The following FCHSD2 variants were observed in gnomAD, a reference collection of about 807,000 sequenced individuals.
FCHSD2 encodes the protein FCH and double SH3 domains 2, also known as F-BAR and double SH3 domains protein 2.
In FCHSD2, 38 loss-of-function variants were observed where a neutral mutation model predicts 108.1. The observed-to-expected ratio is 0.35, with a 90% CI of 0.27 to 0.46. FCHSD2 has a LOEUF of 0.46. Among genes scored for constraint, FCHSD2 ranks in the 20% least tolerant of loss-of-function variants. The pLI, the probability that FCHSD2 is intolerant of heterozygous loss-of-function variation, is 1.00. For synonymous variants in FCHSD2, 279 were observed against 314.7 expected, an observed-to-expected ratio of 0.89 and a Z score of 1.20; for missense variants, 751 against 897.8, an observed-to-expected ratio of 0.84 and a Z score of 2.09.
In FCHSD2 at chr11:73,029,930, C is replaced by G. The variant is rs138094995; in HGVS notation, c.166-14045G>C. Among the ~76,000 whole-genome samples the G allele has an allele frequency of 4.9e-3, 749 of 152,056 alleles. 5 individuals are homozygous for G. The highest frequency in any genetic ancestry group is 6.8e-3 in the Non-Finnish European group (459 of 67,944). Reference sequence around the variant, plus strand: ...ATGTTAATCAAAAACAAAAGAAAAACAAAAACAAAAACAAACTAGCAAAAC... The same window carrying G: ...ATGTTAATCAAAAACAAAAGAAAAAGAAAAACAAAAACAAACTAGCAAAAC... On this transcript the variant is annotated intron_variant, in intron 3 of 19. Transcript: ENST00000409418.
At chr11:73,064,932 A>C (rs1300324048) in intron 3 of FCHSD2, among the ~76,000 whole-genome samples, 2 of 152,176 alleles carry the variant, frequency 1.3e-5, no homozygotes, top group African/African-American at 4.8e-5. Flanking sequence ...AGAGGTACAA[A>C]GGGGAGTTGG....
chr11:72,983,351 T>C (rs1468364295), intron 8 of FCHSD2, among the ~76,000 whole-genome samples: 1 of 151,054 alleles, frequency 6.6e-6, no homozygotes, highest in Non-Finnish European at 1.5e-5. Flanking sequence ...TGCACCTGGA[T>C]CCCAGCTACT....
intron 8 of FCHSD2, among the ~76,000 whole-genome samples, chr11:72,939,738 C>T (rs1276743338): frequency 6.6e-6 from 1 of 151,142 alleles, no homozygotes; most frequent in Non-Finnish European, 1.5e-5. Flanking sequence ...TATGCCTCAG[C>T]CTCCCGAGCA....
chr11:73,138,601 G>A (rs1861176289), intron 2 of FCHSD2, among the ~76,000 whole-genome samples: 1 of 143,666 alleles, frequency 7.0e-6, no homozygotes, highest in Non-Finnish European at 1.5e-5. Flanking sequence ...ATCTTGCACA[G>A]GAATTTTTTT....
At chr11:72,842,504 C>A (rs1293761567) in intron 17 of FCHSD2, 117 bp downstream of exon 17, 10 of 1,259,818 alleles carry the variant, frequency 7.9e-6, no homozygotes, top group Non-Finnish European at 1.1e-5. Context: ...CACTGGCAAC[C>A]AAGGACCGGT....
chr11:73,109,542 C>G (rs1031961610), intron 2 of FCHSD2, among the ~76,000 whole-genome samples: 1 of 152,118 alleles, frequency 6.6e-6, no homozygotes, highest in Non-Finnish European at 1.5e-5. Flanking sequence ...AGAAATCTTA[C>G]TGATTTCTGT....
At chr11:73,049,561 C>T (rs1460571200) in intron 3 of FCHSD2, among the ~76,000 whole-genome samples, 1 of 149,496 alleles carries the variant, frequency 6.7e-6, no homozygotes, top group Non-Finnish European at 1.5e-5. Flanking sequence ...GGAGGGATAG[C>T]ATTGGGAGAT....
intron 10 of FCHSD2, among the ~76,000 whole-genome samples, chr11:72,890,217 T>C (rs1041879263): frequency 1.3e-5 from 2 of 152,212 alleles, no homozygotes; most frequent in African/African-American, 4.8e-5. Context: ...TTGGGTGTGA[T>C]GGACTTATCT....
chr11:73,044,301 A>G (rs1047346811), intron 3 of FCHSD2, among the ~76,000 whole-genome samples: 1 of 152,184 alleles, frequency 6.6e-6, no homozygotes, highest in African/African-American at 2.4e-5. Flanking sequence ...TCAGAGGCTG[A>G]GTGTGGTGTC....
chr11:73,014,860 T>C (rs1449530308), intron 4 of FCHSD2, among the ~76,000 whole-genome samples: 1 of 152,126 alleles, frequency 6.6e-6, no homozygotes, highest in Non-Finnish European at 1.5e-5. Flanking sequence ...CTTTTTTTTT[T>C]TGAGCTGGAG....
chr11:73,129,872 C>CTTTTTTT, intron 2 of FCHSD2, among the ~76,000 whole-genome samples: 1 of 124,158 alleles, frequency 8.1e-6, no homozygotes, highest in Non-Finnish European at 1.7e-5. Flanking sequence ...CCTTCATAAT[C>CTTTTTTT]TTTTTTTTTT....
chr11:72,943,625 T>C (rs1323613409), intron 8 of FCHSD2, among the ~76,000 whole-genome samples: 4 of 152,204 alleles, frequency 2.6e-5, no homozygotes, highest in Admixed American at 1.3e-4. Flanking sequence ...GTCAGTCTAT[T>C]TGACTTTTGA....
chr11:73,126,410 A>G (rs1351943851), intron 2 of FCHSD2, among the ~76,000 whole-genome samples: 2 of 150,990 alleles, frequency 1.3e-5, no homozygotes, highest in African/African-American at 4.9e-5. Flanking sequence ...TAGTACATAA[A>G]GCTTGTTTTC....
chr11:73,026,367 C>T (rs1858229348), intron 3 of FCHSD2, among the ~76,000 whole-genome samples: 1 of 152,170 alleles, frequency 6.6e-6, no homozygotes, highest in Admixed American at 6.5e-5. Context: ...TACAGTTGCT[C>T]TTGCCACTGG....
chr11:73,029,616 C>A (rs117438589), intron 3 of FCHSD2, among the ~76,000 whole-genome samples: 5 of 152,268 alleles, frequency 3.3e-5, no homozygotes, highest in Non-Finnish European at 7.4e-5. Context: ...GAGGTGCAGA[C>A]ACAGAGGTAG....
At chr11:73,034,155 C>T (rs1488733847) in intron 3 of FCHSD2, among the ~76,000 whole-genome samples, 2 of 151,990 alleles carry the variant, frequency 1.3e-5, no homozygotes, top group Non-Finnish European at 2.9e-5. Context: ...TATACATGTG[C>T]CGTGGTGGTT....
At chr11:72,918,837 A>C (rs1855926158) in intron 9 of FCHSD2, among the ~76,000 whole-genome samples, 1 of 152,190 alleles carries the variant, frequency 6.6e-6, no homozygotes. Context: ...ACACACAAAC[A>C]AATTATAAAG....
At chr11:73,105,515 C>G (rs1860322573) in intron 2 of FCHSD2, among the ~76,000 whole-genome samples, 1 of 152,152 alleles carries the variant, frequency 6.6e-6, no homozygotes, top group African/African-American at 2.4e-5. Context: ...ATCATAAGAT[C>G]TAAATCTTTC....
intron 9 of FCHSD2, among the ~76,000 whole-genome samples, chr11:72,912,819 T>C (rs1356384679): frequency 6.6e-6 from 1 of 152,228 alleles, no homozygotes; most frequent in African/African-American, 2.4e-5. Flanking sequence ...TTTCATCTCT[T>C]CAGGTTTTGA....
Sources: gnomAD v4.1 joint callset for allele counts (sites outside exome capture counted in the v4.1 genomes callset) on GRCh38, gnomAD v4.1.1 for gene constraint, MANE v1.5 for transcripts, NCBI Gene and HGNC (gene_info 2026-07-23, HGNC 2026-07-21) for gene names.